Variants in CALN1 observed in about 807,000 individuals in gnomAD.
CALN1 encodes the protein calneuron 1.
In CALN1, 17 loss-of-function variants were observed where a neutral mutation model predicts 30.6. The observed-to-expected ratio is 0.56, with a 90% CI of 0.38 to 0.83. The LOEUF (loss-of-function observed/expected upper bound fraction) is 0.83. Among genes scored for constraint, CALN1 ranks in the 40% least tolerant of loss-of-function variants. The pLI, the probability that CALN1 is intolerant of heterozygous loss-of-function variation, is 0.00. For synonymous variants in CALN1, 156 were observed against 131.4 expected, an observed-to-expected ratio of 1.19 and a Z score of -1.28; for missense variants, 291 against 354.9, an observed-to-expected ratio of 0.82 and a Z score of 1.45.
intron 6 of CALN1, among the ~76,000 whole-genome samples, chr7:71,792,318 G>A (rs1786615396): frequency 6.6e-6 from 1 of 152,126 alleles, no homozygotes; most frequent in African/African-American, 2.4e-5. Context: ...GCAACCCCCA[G>A]CCCCCTCACC....
At chr7:72,387,295 AGGG>A (rs1805284704) in intron 2 of CALN1, among the ~76,000 whole-genome samples, 3 of 121,048 alleles carry the variant, frequency 2.5e-5, no homozygotes, top group African/African-American at 1.0e-4. Context: ...GGAGGGAGGG[AGGG>A]AGGGAGGGAG....
chr7:72,336,627 G>C (rs1003278939), intron 2 of CALN1: 4 of 939,354 alleles, frequency 4.3e-6, no homozygotes, highest in Non-Finnish European at 5.1e-6. Flanking sequence ...GGACACCCTA[G>C]AGAGAAGCGA....
At chr7:72,310,813 GAAT>G (rs1364254546) in intron 2 of CALN1, among the ~76,000 whole-genome samples, 1 of 149,340 alleles carries the variant, frequency 6.7e-6, no homozygotes, top group African/African-American at 2.5e-5. Flanking sequence ...TGAGGCAGGA[GAAT>G]CACTTGAACC....
intron 5 of CALN1, among the ~76,000 whole-genome samples, chr7:71,899,291 G>A (rs896669571): frequency 3.9e-5 from 6 of 152,030 alleles, no homozygotes; most frequent in African/African-American, 1.4e-4. Context: ...TTACAGGCAT[G>A]TGCCACCGTG....
intron 5 of CALN1, among the ~76,000 whole-genome samples, chr7:71,820,324 A>T (rs1375797151): frequency 6.6e-6 from 1 of 152,150 alleles, no homozygotes; most frequent in Non-Finnish European, 1.5e-5. Context: ...AGACTGAACC[A>T]ATGTCATCTT....
chr7:72,270,123 G>GT (rs1446633112), intron 3 of CALN1, among the ~76,000 whole-genome samples: 1 of 151,970 alleles, frequency 6.6e-6, no homozygotes. Context: ...ATGTGTGTGT[G>GT]TGTGTTGAGA....
chr7:72,093,418 G>A (rs1806004303), intron 4 of CALN1, among the ~76,000 whole-genome samples: 1 of 152,180 alleles, frequency 6.6e-6, no homozygotes, highest in African/African-American at 2.4e-5. Context: ...CTTCCCAAGT[G>A]GGATTCTGAG....
chr7:72,497,070 G>A, the CALN1 span, among the ~76,000 whole-genome samples: 4 of 152,124 alleles, frequency 2.6e-5, no homozygotes, highest in Non-Finnish European at 5.9e-5. Context: ...ATTCCAATGA[G>A]CCCAGAGGAA....
intron 5 of CALN1, among the ~76,000 whole-genome samples, chr7:71,834,348 T>TAAAAAAAAAAA (rs60091117): frequency 1.1e-5 from 1 of 89,830 alleles, no homozygotes; most frequent in African/African-American, 4.5e-5. Context: ...CGATCCACCC[T>TAAAAAAAAAAA]AAAAAAAAAA....
intron 2 of CALN1, among the ~76,000 whole-genome samples, chr7:72,388,593 G>A (rs1195375425): frequency 2.0e-5 from 3 of 152,162 alleles, no homozygotes; most frequent in Non-Finnish European, 4.4e-5. Flanking sequence ...TCTTTGCAAT[G>A]TTTCTGCAAA....
chr7:72,360,946 C>T (rs755979735), intron 2 of CALN1, among the ~76,000 whole-genome samples: 8 of 151,830 alleles, frequency 5.3e-5, no homozygotes, highest in Non-Finnish European at 1.2e-4. Flanking sequence ...AGGCTGGTCT[C>T]GAACTCCTGA....
At chr7:71,994,309 C>T (rs1396007768) in intron 5 of CALN1, among the ~76,000 whole-genome samples, 2 of 152,002 alleles carry the variant, frequency 1.3e-5, no homozygotes, top group Non-Finnish European at 1.5e-5. Context: ...GTCAGGAGTT[C>T]AAGGCCAGCC....
At chr7:71,869,582 T>C (rs572452307) in intron 5 of CALN1, among the ~76,000 whole-genome samples, 4 of 152,302 alleles carry the variant, frequency 2.6e-5, no homozygotes, top group African/African-American at 9.6e-5. Context: ...TATTTGCCCT[T>C]TGGTATTTCT....
chr7:72,260,715 C>T (rs533709845), intron 3 of CALN1, among the ~76,000 whole-genome samples: 2 of 151,944 alleles, frequency 1.3e-5, no homozygotes, highest in East Asian at 3.9e-4. Context: ...ATCTGAGGAG[C>T]CCCCCACACA....
chr7:72,097,984 G>C (rs571424860), intron 4 of CALN1, among the ~76,000 whole-genome samples: 1 of 152,196 alleles, frequency 6.6e-6, no homozygotes, highest in African/African-American at 2.4e-5. Flanking sequence ...AAAGTGCTGG[G>C]ATTACAGGCG....
intron 2 of CALN1, among the ~76,000 whole-genome samples, chr7:72,317,728 AG>A (rs1159165039): frequency 6.6e-6 from 1 of 152,212 alleles, no homozygotes; most frequent in Non-Finnish European, 1.5e-5. Context: ...TAGGGATTTG[AG>A]GAGAACATTA....
At chr7:71,904,834 T>A (rs1319256938) in intron 5 of CALN1, among the ~76,000 whole-genome samples, 3 of 152,260 alleles carry the variant, frequency 2.0e-5, no homozygotes, top group African/African-American at 4.8e-5. Context: ...CACTTTTTTT[T>A]AAATGTAAAA....
chr7:72,361,088 C>A (rs997062551), intron 2 of CALN1, among the ~76,000 whole-genome samples: 1 of 152,076 alleles, frequency 6.6e-6, no homozygotes, highest in African/African-American at 2.4e-5. Flanking sequence ...GAATGTACTA[C>A]TTTTCATTTT....
At chr7:72,053,671 G>A (rs1478436407) in intron 4 of CALN1, among the ~76,000 whole-genome samples, 1 of 151,906 alleles carries the variant, frequency 6.6e-6, no homozygotes, top group Non-Finnish European at 1.5e-5. Flanking sequence ...ATAAGTTACT[G>A]GGGTACAGGT....
Sources: gnomAD v4.1 joint callset for allele counts (sites outside exome capture counted in the v4.1 genomes callset) on GRCh38, gnomAD v4.1.1 for gene constraint, MANE v1.5 for transcripts, NCBI Gene and HGNC (gene_info 2026-07-23, HGNC 2026-07-21) for gene names.